ZNF704: variants seen among roughly 807,000 people sequenced by gnomAD.
ZNF704 encodes the protein glucocorticoid induced gene 1.
A neutral mutation model predicts 44.7 loss-of-function variants in ZNF704; 10 were observed. The ratio of observed to expected loss-of-function variants is 0.22; its 90% CI spans 0.14 to 0.38. ZNF704 has a LOEUF of 0.38. Ranked by LOEUF, ZNF704 falls within the 10% of genes least tolerant of loss-of-function variation. The probability of loss-of-function intolerance (pLI) is 1.00; values close to 1 mark genes in which losing one functional copy is unlikely to be tolerated. For synonymous variants in ZNF704, 211 were observed against 207.6 expected (o/e 1.02, Z -0.14); for missense variants, 390 against 545.5 (o/e 0.71, Z 2.84).
chr8:80,779,579 T>TGACATCTTTACATTATCTAAAG (rs1807475890), intron 2 of ZNF704, among the ~76,000 whole-genome samples: 1 of 152,166 alleles, frequency 6.6e-6, no homozygotes, highest in African/African-American at 2.4e-5. Context: ...GTATAAAGAA[T>TGACATCTTTACATTATCTAAAG]GACATCTTTA....
intron 2 of ZNF704, among the ~76,000 whole-genome samples, chr8:80,765,591 A>T (rs1798669967): frequency 6.6e-6 from 1 of 152,032 alleles, no homozygotes; most frequent in South Asian, 2.1e-4. Flanking sequence ...GAAAACTCAC[A>T]CTATTTTATT....
chr8:80,881,629 C>T, the ZNF704 span, among the ~76,000 whole-genome samples: 1 of 152,018 alleles, frequency 6.6e-6, no homozygotes, highest in East Asian at 1.9e-4. Context: ...TATTTTTTTG[C>T]CTTGTTAAAA....
chr8:80,721,121 C>T (rs974336856), intron 2 of ZNF704, among the ~76,000 whole-genome samples: 1 of 152,182 alleles, frequency 6.6e-6, no homozygotes, highest in Non-Finnish European at 1.5e-5. Flanking sequence ...GCACATTCTC[C>T]TTTGCTCAGC....
chr8:80,714,099 G>A (rs1000206225), intron 2 of ZNF704, among the ~76,000 whole-genome samples: 40 of 152,136 alleles, frequency 2.6e-4, no homozygotes, highest in Admixed American at 1.5e-3. Flanking sequence ...CGTAACAAGC[G>A]CGATCTTGCA....
At chr8:80,654,157 A>T (rs1787661859) in intron 7 of ZNF704, among the ~76,000 whole-genome samples, 1 of 151,720 alleles carries the variant, frequency 6.6e-6, no homozygotes, top group South Asian at 2.1e-4. Flanking sequence ...CTGAAACTGG[A>T]TCCCTTCCTT....
At chr8:80,803,922 T>G (rs1292361049) in intron 2 of ZNF704, among the ~76,000 whole-genome samples, 1 of 152,152 alleles carries the variant, frequency 6.6e-6, no homozygotes. Context: ...GAAAATTTTT[T>G]GCCATCTATC....
intron 2 of ZNF704, among the ~76,000 whole-genome samples, chr8:80,813,888 G>T (rs1208018789): frequency 6.6e-6 from 1 of 151,796 alleles, no homozygotes; most frequent in South Asian, 2.1e-4. Context: ...CAAAAAAAAA[G>T]AAAAGAAAAG....
intron 2 of ZNF704, among the ~76,000 whole-genome samples, chr8:80,741,319 G>C (rs996958914): frequency 3.9e-5 from 6 of 152,184 alleles, no homozygotes; most frequent in Admixed American, 6.5e-5. Context: ...AACGGGGCAA[G>C]ACTTTTCTTT....
upstream of ZNF704, among the ~76,000 whole-genome samples, chr8:80,875,104 G>A (rs1158396831): frequency 6.6e-6 from 1 of 152,142 alleles, no homozygotes; most frequent in Admixed American, 6.5e-5. Flanking sequence ...ATGGGTGGGA[G>A]TTCAAGATCG....
intron 7 of ZNF704, chr8:80,658,732 A>T (rs1360108647): frequency 6.6e-6 from 1 of 152,218 alleles, no homozygotes; most frequent in Non-Finnish European, 1.5e-5. Flanking sequence ...CAATTCATTC[A>T]GCCACTTTCA....
chr8:80,809,834 C>A (rs1808054491), intron 2 of ZNF704, among the ~76,000 whole-genome samples: 2 of 152,100 alleles, frequency 1.3e-5, no homozygotes, highest in African/African-American at 4.8e-5. Flanking sequence ...TTAGAACAAA[C>A]TTCTGATTTC....
At chr8:80,707,717 G>A (rs576259753) in intron 2 of ZNF704, among the ~76,000 whole-genome samples, 1 of 152,114 alleles carries the variant, frequency 6.6e-6, no homozygotes, top group Non-Finnish European at 1.5e-5. Flanking sequence ...ATTTAAATTC[G>A]ATTGTTTCAA....
rs1321761751 is a variant in ZNF704, at chr8:80,652,516, A to G, written c.1032+7069T>C. ...CACCGATCCCACAGAAATACAAACTACCATCAGAGAATACTATAAACACCT... is the reference window on the plus strand; with the variant it reads ...CACCGATCCCACAGAAATACAAACTGCCATCAGAGAATACTATAAACACCT... On this transcript the variant is annotated intron_variant, in intron 7 of 8. Coordinates refer to ENST00000327835, the MANE Select transcript of ZNF704 (RefSeq NM_001033723.3). Among the ~76,000 whole-genome samples the G allele has an allele frequency of 2.0e-5, 3 of 152,340 alleles. No individual in the cohort carries two copies. The South Asian group carries it at 6.2e-4, about 32-fold the overall frequency.
chr8:80,852,180 A>G (rs1808876209), intron 1 of ZNF704, among the ~76,000 whole-genome samples: 1 of 152,164 alleles, frequency 6.6e-6, no homozygotes, highest in African/African-American at 2.4e-5. Flanking sequence ...CATCTCTTGG[A>G]CCTTTAAAAT....
intron 6 of ZNF704, among the ~76,000 whole-genome samples, chr8:80,662,002 C>T (rs1408675467): frequency 6.6e-6 from 1 of 152,128 alleles, no homozygotes; most frequent in African/African-American, 2.4e-5. Flanking sequence ...ATTCAAAATA[C>T]CCTGACTTGA....
chr8:80,784,336 C>G (rs1807580910), intron 2 of ZNF704, among the ~76,000 whole-genome samples: 1 of 152,204 alleles, frequency 6.6e-6, no homozygotes, highest in Non-Finnish European at 1.5e-5. Flanking sequence ...TTGTAAGAAA[C>G]TGCCAAACTG....
intron 2 of ZNF704, among the ~76,000 whole-genome samples, chr8:80,706,472 G>C (rs1170018209): frequency 6.6e-6 from 1 of 152,172 alleles, no homozygotes; most frequent in African/African-American, 2.4e-5. Context: ...GGCTAGAAGT[G>C]ACAGTTGTAG....
At chr8:80,851,346 A>G (rs1384281610) in intron 1 of ZNF704, among the ~76,000 whole-genome samples, 1 of 152,218 alleles carries the variant, frequency 6.6e-6, no homozygotes, top group Non-Finnish European at 1.5e-5. Flanking sequence ...AATAGACTGG[A>G]TTAAGAAAAT....
chr8:80,807,329 TAG>T (rs1346254262), intron 2 of ZNF704, among the ~76,000 whole-genome samples: 1 of 151,956 alleles, frequency 6.6e-6, no homozygotes, highest in East Asian at 1.9e-4. Context: ...CACTGCTGAG[TAG>T]AGTCTGCCAT....
Sources: gnomAD v4.1 joint callset for allele counts (sites outside exome capture counted in the v4.1 genomes callset) on GRCh38, gnomAD v4.1.1 for gene constraint, MANE v1.5 for transcripts, NCBI Gene and HGNC (gene_info 2026-07-23, HGNC 2026-07-21) for gene names.